Variants in SNTG1 observed in about 807,000 individuals in gnomAD.
The protein encoded by SNTG1 is syntrophin gamma 1.
A neutral mutation model predicts 74.7 loss-of-function variants in SNTG1; 39 were observed. The ratio of observed to expected loss-of-function variants is 0.52; its 90% CI spans 0.40 to 0.68. The LOEUF (loss-of-function observed/expected upper bound fraction) is 0.68, where lower values mean the gene tolerates loss of function less well. Ranked by LOEUF, SNTG1 falls within the 30% of genes least tolerant of loss-of-function variation. The probability of loss-of-function intolerance (pLI) is 0.00; values close to 1 mark genes in which losing one functional copy is unlikely to be tolerated. For synonymous variants in SNTG1, 254 were observed against 217.1 expected (o/e 1.17, Z -1.49); for missense variants, 685 against 609.5 (o/e 1.12, Z -1.30).
chr8:50,409,128 C>T (rs1433023418), intron 4 of SNTG1, among the ~76,000 whole-genome samples: 3 of 152,112 alleles, frequency 2.0e-5, no homozygotes, highest in Non-Finnish European at 4.4e-5. Flanking sequence ...CAAGTAGCTC[C>T]TCAGAGGCTT....
chr8:50,138,712 G>A (rs560777463), intron 1 of SNTG1, among the ~76,000 whole-genome samples: 13 of 151,290 alleles, frequency 8.6e-5, no homozygotes, highest in African/African-American at 2.7e-4. Context: ...TGAAGGACAT[G>A]CAGTTCATAC....
intron 18 of SNTG1, among the ~76,000 whole-genome samples, chr8:50,786,713 C>T (rs939587442): frequency 2.6e-5 from 4 of 151,958 alleles, no homozygotes; most frequent in East Asian, 3.9e-4. Flanking sequence ...TGTCTTTTAC[C>T]GTGCTTTTCA....
At chr8:50,344,878 A>G (rs996235712) in intron 2 of SNTG1, among the ~76,000 whole-genome samples, 12 of 152,172 alleles carry the variant, frequency 7.9e-5, no homozygotes, top group Non-Finnish European at 1.3e-4. Context: ...AGGTGTGATT[A>G]AGATTAAATG....
At chr8:50,018,302 C>CA (rs906279968) in intron 1 of SNTG1, among the ~76,000 whole-genome samples, 1 of 151,944 alleles carries the variant, frequency 6.6e-6, no homozygotes, top group African/African-American at 2.4e-5. Context: ...GAGGTATTGG[C>CA]ATATGGATAG....
At chr8:50,667,671 T>C (rs1439572100) in intron 15 of SNTG1, among the ~76,000 whole-genome samples, 1 of 152,042 alleles carries the variant, frequency 6.6e-6, no homozygotes, top group East Asian at 1.9e-4. Flanking sequence ...ACACATACAA[T>C]TTTGGAGACA....
intron 15 of SNTG1, among the ~76,000 whole-genome samples, chr8:50,693,451 C>A (rs1009195131): frequency 6.6e-6 from 1 of 152,016 alleles, no homozygotes; most frequent in African/African-American, 2.4e-5. Flanking sequence ...TATAAATGCA[C>A]CCAACAGTAG....
intron 1 of SNTG1, among the ~76,000 whole-genome samples, chr8:50,115,395 C>T (rs1036216110): frequency 1.3e-5 from 2 of 151,354 alleles, no homozygotes; most frequent in Non-Finnish European, 1.5e-5. Context: ...GGTGAAACCC[C>T]GTCTCTACAA....
At chr8:50,452,177 CT>C (rs2093464128) in intron 8 of SNTG1, among the ~76,000 whole-genome samples, 1 of 152,156 alleles carries the variant, frequency 6.6e-6, no homozygotes, top group Non-Finnish European at 1.5e-5. Context: ...GTATTTGTCA[CT>C]TGTCTTTGTC....
intron 8 of SNTG1, among the ~76,000 whole-genome samples, chr8:50,473,425 C>A (rs1318713822): frequency 1.3e-5 from 2 of 152,032 alleles, no homozygotes; most frequent in African/African-American, 4.8e-5. Context: ...TTGACAGATA[C>A]AACAAAGATG....
intron 2 of SNTG1, among the ~76,000 whole-genome samples, chr8:50,358,913 G>T (rs550951707): frequency 1.7e-4 from 26 of 152,156 alleles, no homozygotes; most frequent in African/African-American, 5.5e-4. Flanking sequence ...GTAAGTTAAC[G>T]CACGGTTTGA....
At chr8:50,336,646 T>C (rs1006354230) in intron 2 of SNTG1, among the ~76,000 whole-genome samples, 2 of 152,260 alleles carry the variant, frequency 1.3e-5, no homozygotes. Flanking sequence ...CGAAGTTCCT[T>C]ACATATGGTA....
intron 1 of SNTG1, among the ~76,000 whole-genome samples, chr8:50,107,163 G>T: frequency 6.6e-6 from 1 of 152,158 alleles, no homozygotes; most frequent in East Asian, 1.9e-4. Context: ...TTTCTTGAAT[G>T]CCCTTTTATA....
intron 18 of SNTG1, among the ~76,000 whole-genome samples, chr8:50,761,072 A>C (rs1045881398): frequency 6.6e-6 from 1 of 151,960 alleles, no homozygotes; most frequent in African/African-American, 2.4e-5. Context: ...CACAACAAAA[A>C]AGAAAATTTC....
chr8:50,023,719 A>G (rs1210530429), intron 1 of SNTG1, among the ~76,000 whole-genome samples: 1 of 152,190 alleles, frequency 6.6e-6, no homozygotes, highest in Non-Finnish European at 1.5e-5. Context: ...CTGCCCCAGT[A>G]TGAAGCAAAT....
At chr8:50,005,873 T>C (rs1279101599) in intron 1 of SNTG1, among the ~76,000 whole-genome samples, 3 of 151,950 alleles carry the variant, frequency 2.0e-5, no homozygotes, top group African/African-American at 7.3e-5. Flanking sequence ...TCACCGTCTC[T>C]GTCATCTCAG....
chr8:50,638,377 GC>G (rs972467353), intron 13 of SNTG1, among the ~76,000 whole-genome samples: 1 of 152,028 alleles, frequency 6.6e-6, no homozygotes, highest in African/African-American at 2.4e-5. Flanking sequence ...AAAGTGAGGT[GC>G]CACTATAATG....
chr8:50,106,841 C>A (rs770992695), intron 1 of SNTG1, among the ~76,000 whole-genome samples: 10 of 152,052 alleles, frequency 6.6e-5, no homozygotes, highest in Non-Finnish European at 8.8e-5. Flanking sequence ...AGACTCAATT[C>A]TATATTTTAG....
At chr8:50,526,841 C>T (rs1424339059) in intron 9 of SNTG1, among the ~76,000 whole-genome samples, 1 of 151,912 alleles carries the variant, frequency 6.6e-6, no homozygotes, top group African/African-American at 2.4e-5. Context: ...CCAGGATGGT[C>T]TCGATCTCCT....
chr8:50,093,754 C>T (rs1158264617), intron 1 of SNTG1, among the ~76,000 whole-genome samples: 2 of 152,058 alleles, frequency 1.3e-5, no homozygotes, highest in African/African-American at 4.8e-5. Context: ...TGTGAAAAGT[C>T]CACATCCATG....
Sources: allele counts gnomAD v4.1 joint callset (sites outside exome capture counted in the v4.1 genomes callset), GRCh38; gene constraint gnomAD v4.1.1; transcripts MANE v1.5; gene names NCBI Gene and HGNC (gene_info 2026-07-23, HGNC 2026-07-21).